Variants in PRKCH observed in about 807,000 individuals in gnomAD.
The protein encoded by PRKCH is protein kinase C eta type.
A neutral mutation model predicts 82.5 loss-of-function variants in PRKCH; 28 were observed. The observed-to-expected ratio is 0.34, with a 90% CI of 0.25 to 0.47. The LOEUF is 0.47. Among genes scored for constraint, PRKCH ranks in the 20% least tolerant of loss-of-function variants. The pLI is 1.00. For synonymous variants in PRKCH, 322 were observed against 327.4 expected, an observed-to-expected ratio of 0.98 and a Z score of 0.18; for missense variants, 705 against 881.8, an observed-to-expected ratio of 0.80 and a Z score of 2.54.
At chr14:61,409,796 G>T (rs1240770163) in intron 2 of PRKCH, among the ~76,000 whole-genome samples, 1 of 151,174 alleles carries the variant, frequency 6.6e-6, no homozygotes, top group Non-Finnish European at 1.5e-5. Context: ...GATTGTATAT[G>T]CTACTTGTTA....
chr14:61,407,901 T>C (rs1179756744), intron 2 of PRKCH, among the ~76,000 whole-genome samples: 1 of 152,202 alleles, frequency 6.6e-6, no homozygotes. Flanking sequence ...AATAATGCTT[T>C]TGAGGTTTTC....
intron 5 of PRKCH, 65 bp from the exon 6 acceptor site, chr14:61,450,777 A>G: frequency 6.4e-7 from 1 of 1,564,162 alleles, no homozygotes; most frequent in African/African-American, 1.4e-5. Context: ...GGCTCCTATT[A>G]CAGTTTTTAC....
intron 1 of PRKCH, among the ~76,000 whole-genome samples, chr14:61,216,187 G>A (rs759955009): frequency 7.2e-5 from 11 of 152,196 alleles, no homozygotes; most frequent in Non-Finnish European, 1.5e-4. Context: ...AATTGGGGCC[G>A]GGCACAGTGG....
intron 1 of PRKCH, among the ~76,000 whole-genome samples, chr14:61,287,892 C>G (rs1264713071): frequency 6.6e-6 from 1 of 152,148 alleles, no homozygotes; most frequent in Non-Finnish European, 1.5e-5. Context: ...GTGAAACTCA[C>G]TGGTTTGGGG....
chr14:61,539,534 C>G (rs2043155339), intron 12 of PRKCH, among the ~76,000 whole-genome samples: 1 of 152,186 alleles, frequency 6.6e-6, no homozygotes, highest in African/African-American at 2.4e-5. Context: ...CACTGACCCA[C>G]CGGCATTCTC....
At chr14:61,241,658 C>A (rs756438592) in intron 1 of PRKCH, among the ~76,000 whole-genome samples, 16 of 152,156 alleles carry the variant, frequency 1.1e-4, no homozygotes, top group Non-Finnish European at 2.1e-4. Context: ...ACTCATATTC[C>A]TGATCAACTT....
chr14:61,542,081 G>A (rs979789131), intron 12 of PRKCH, among the ~76,000 whole-genome samples: 2 of 152,010 alleles, frequency 1.3e-5, no homozygotes, highest in Non-Finnish European at 2.9e-5. Context: ...CTTGAGGTCA[G>A]GAGTTCAAAA....
At chr14:61,446,650 CAAAT>C (rs891690340) in intron 4 of PRKCH, among the ~76,000 whole-genome samples, 1 of 152,114 alleles carries the variant, frequency 6.6e-6, no homozygotes, top group Non-Finnish European at 1.5e-5. Context: ...TAGGAAAAAA[CAAAT>C]ATATAATCAA....
intron 1 of PRKCH, chr14:61,304,931 G>A (rs1029620536): frequency 2.1e-4 from 32 of 151,516 alleles, no homozygotes; most frequent in African/African-American, 7.5e-4. Flanking sequence ...GTGATTCATA[G>A]CATTGTTCCC....
At chr14:61,384,190 G>T (rs1356244563) in intron 1 of PRKCH, among the ~76,000 whole-genome samples, 12 of 152,164 alleles carry the variant, frequency 7.9e-5, no homozygotes, top group Non-Finnish European at 1.5e-5. Context: ...TTTTAAGCCT[G>T]GGAACGCAGA....
At chr14:61,189,645 A>G (rs953432200) in intron 1 of PRKCH, among the ~76,000 whole-genome samples, 3 of 141,092 alleles carry the variant, frequency 2.1e-5, no homozygotes, top group African/African-American at 7.9e-5. Context: ...CTGTCTTCCT[A>G]CCTTCCTTTC....
intron 1 of PRKCH, among the ~76,000 whole-genome samples, chr14:61,284,586 T>G (rs116809560): frequency 0.015 from 2,336 of 152,300 alleles, 62 homozygotes; most frequent in African/African-American, 0.052. Flanking sequence ...GATATAGATA[T>G]ACATTGTCGT....
intron 1 of PRKCH, chr14:61,303,450 C>A (rs141890030): frequency 1.7e-4 from 26 of 152,280 alleles, no homozygotes; most frequent in African/African-American, 5.8e-4. Flanking sequence ...CACTCTTCAA[C>A]TTTGATAATT....
intron 1 of PRKCH, among the ~76,000 whole-genome samples, chr14:61,376,793 C>T (rs1030793195): frequency 6.6e-6 from 1 of 152,228 alleles, no homozygotes; most frequent in African/African-American, 2.4e-5. Context: ...AACTTGGCAT[C>T]CAAACCTTTC....
chr14:61,310,568 C>G (rs138033927), intron 1 of PRKCH, among the ~76,000 whole-genome samples: 1 of 152,212 alleles, frequency 6.6e-6, no homozygotes, highest in Non-Finnish European at 1.5e-5. Flanking sequence ...GGTACAGCTC[C>G]CTTCCTGGCT....
chr14:61,443,382 C>T lies in PRKCH; in HGVS notation c.578+121C>T, dbSNP rs977955343. On this transcript the variant is annotated intron_variant, in intron 3 of 13. Transcript: ENST00000332981. ...GAATTCTTTCAGGATCTGATTTTTG[C>T]CTCTTACTCTAGTATGTTGACCCAG... 14 of 1,079,196 alleles carry T rather than the reference C, an allele frequency of 1.3e-5. 1 individual carries two copies. In the South Asian group the frequency reaches 2.6e-4, roughly 20 times the overall value. 66.9% of individuals were successfully genotyped at this position (1,079,196 alleles called of 1,614,324 possible).
chr14:61,195,645 G>A (rs966314884), intron 1 of PRKCH, among the ~76,000 whole-genome samples: 13 of 152,172 alleles, frequency 8.5e-5, no homozygotes, highest in South Asian at 2.1e-4. Flanking sequence ...CATATCTCCC[G>A]GGAAGACACC....
At chr14:61,520,934 C>G (rs778533928) in intron 10 of PRKCH, among the ~76,000 whole-genome samples, 23 of 152,170 alleles carry the variant, frequency 1.5e-4, no homozygotes, top group Non-Finnish European at 3.1e-4. Context: ...AAATCATGTT[C>G]ATTACTCCAT....
At chr14:61,444,548 A>G (rs1227072283) in intron 3 of PRKCH, among the ~76,000 whole-genome samples, 3 of 150,834 alleles carry the variant, frequency 2.0e-5, no homozygotes, top group African/African-American at 7.3e-5. Context: ...TTTTTCCACC[A>G]GAGAAACATT....
Sources: allele counts gnomAD v4.1 joint callset (sites outside exome capture counted in the v4.1 genomes callset), GRCh38; gene constraint gnomAD v4.1.1; transcripts MANE v1.5; gene names NCBI Gene and HGNC (gene_info 2026-07-23, HGNC 2026-07-21).